Variants in ADAMTSL1 observed in about 807,000 individuals in gnomAD.
ADAMTSL1 encodes ADAMTS-like protein 1.
Under a neutral mutation model 201.8 loss-of-function variants are expected in ADAMTSL1, and 126 were observed. That is an observed-to-expected ratio of 0.62 (90% CI 0.54 to 0.72). ADAMTSL1 has a LOEUF of 0.72. Among genes scored for constraint, ADAMTSL1 ranks in the 30% least tolerant of loss-of-function variants. ADAMTSL1 has a pLI of 0.00. For synonymous variants in ADAMTSL1, 1,121 were observed against 903.4 expected, an observed-to-expected ratio of 1.24 and a Z score of -4.32; for missense variants, 2,679 against 2,277.8, an observed-to-expected ratio of 1.18 and a Z score of -3.59.
At chr9:18,516,861 G>T (rs1267223376) in intron 2 of ADAMTSL1, among the ~76,000 whole-genome samples, 1 of 152,166 alleles carries the variant, frequency 6.6e-6, no homozygotes, top group Non-Finnish European at 1.5e-5. Context: ...AGGAAGAGGA[G>T]CAAAAACTGC....
chr9:18,068,663 C>T (rs1822818146), intron 1 of ADAMTSL1, among the ~76,000 whole-genome samples: 1 of 152,166 alleles, frequency 6.6e-6, no homozygotes, highest in South Asian at 2.1e-4. Context: ...ATGTGTCCCC[C>T]TGGATGCTTC....
chr9:18,705,298 A>G (rs1474599587), intron 13 of ADAMTSL1, among the ~76,000 whole-genome samples: 1 of 152,242 alleles, frequency 6.6e-6, no homozygotes, highest in African/African-American at 2.4e-5. Flanking sequence ...AGGATCATGG[A>G]AAAATGAAAA....
chr9:18,767,720 TAAAG>T (rs750063693), intron 16 of ADAMTSL1, among the ~76,000 whole-genome samples: 7 of 152,194 alleles, frequency 4.6e-5, no homozygotes, highest in Non-Finnish European at 7.4e-5. Context: ...CAAAATTAGT[TAAAG>T]AAGTGAAATC....
At chr9:18,333,697 A>G (rs565283219) in intron 2 of ADAMTSL1, among the ~76,000 whole-genome samples, 38 of 152,292 alleles carry the variant, frequency 2.5e-4, no homozygotes, top group South Asian at 6.2e-4. Flanking sequence ...TCCCCAAGGA[A>G]TTTCCATTAT....
chr9:18,735,748 C>CTTTTT (rs71333066), intron 15 of ADAMTSL1, among the ~76,000 whole-genome samples: 7 of 106,672 alleles, frequency 6.6e-5, no homozygotes, highest in South Asian at 3.1e-4. Context: ...ATTCTTTTTT[C>CTTTTT]TTTTTTTTTT....
chr9:18,343,410 C>T (rs1229252191), intron 2 of ADAMTSL1, among the ~76,000 whole-genome samples: 2 of 152,032 alleles, frequency 1.3e-5, no homozygotes, highest in African/African-American at 2.4e-5. Context: ...ATCTGGACCC[C>T]ACCAGTGATC....
intron 3 of ADAMTSL1, among the ~76,000 whole-genome samples, chr9:18,554,486 G>A (rs1820988058): frequency 6.6e-6 from 1 of 151,716 alleles, no homozygotes; most frequent in Admixed American, 6.6e-5. Context: ...GGCATAGGGT[G>A]ACCCAATGCG....
intron 2 of ADAMTSL1, among the ~76,000 whole-genome samples, chr9:18,168,210 C>T (rs969666840): frequency 2.0e-5 from 3 of 151,842 alleles, no homozygotes; most frequent in African/African-American, 7.3e-5. Context: ...GTGTGCTGCA[C>T]CCATTAACTC....
intron 19 of ADAMTSL1, among the ~76,000 whole-genome samples, chr9:18,790,590 C>T (rs1821970525): frequency 6.6e-6 from 1 of 152,042 alleles, no homozygotes; most frequent in Non-Finnish European, 1.5e-5. Context: ...GTAGAAATGG[C>T]CTGTGAGCAT....
chr9:18,741,485 T>C (rs535573834), intron 15 of ADAMTSL1, among the ~76,000 whole-genome samples: 5 of 152,336 alleles, frequency 3.3e-5, no homozygotes, highest in African/African-American at 1.2e-4. Context: ...AACTCATGAA[T>C]ATAAATGTCC....
intron 1 of ADAMTSL1, among the ~76,000 whole-genome samples, chr9:17,908,574 A>G (rs1176869357): frequency 6.6e-6 from 1 of 151,898 alleles, no homozygotes; most frequent in Non-Finnish European, 1.5e-5. Context: ...CTCCTGCCTC[A>G]GCCTCCCAAG....
chr9:18,293,887 T>C (rs952815370), intron 2 of ADAMTSL1, among the ~76,000 whole-genome samples: 2 of 152,092 alleles, frequency 1.3e-5, no homozygotes, highest in African/African-American at 4.8e-5. Flanking sequence ...AGGCCAAAAA[T>C]GGGTTGGAGA....
intron 1 of ADAMTSL1, among the ~76,000 whole-genome samples, chr9:18,485,713 G>T (rs1278154848): frequency 6.6e-6 from 1 of 152,148 alleles, no homozygotes; most frequent in African/African-American, 2.4e-5. Context: ...GAAAGGGAAG[G>T]TAAGTTCAAG....
intron 4 of ADAMTSL1, among the ~76,000 whole-genome samples, chr9:18,603,790 A>G (rs995859736): frequency 7.9e-5 from 12 of 152,168 alleles, no homozygotes; most frequent in African/African-American, 2.9e-4. Context: ...TTGTTGTGCC[A>G]TCTCCAGGAC....
chr9:18,734,951 T>C (rs1227318893), intron 15 of ADAMTSL1, among the ~76,000 whole-genome samples: 1 of 152,226 alleles, frequency 6.6e-6, no homozygotes, highest in Admixed American at 6.5e-5. Flanking sequence ...ACCAGGAAGC[T>C]GATAGATTTT....
In ADAMTSL1 at chr9:18,416,850, A is replaced by G. The variant is rs562759126; in HGVS notation, c.208-87979A>G. On this transcript the variant is annotated intron_variant, in intron 2 of 29. Transcript: ENST00000680146. ...CAGAGATGTAAATACTCCTCCCTCA[A>G]TAATTGAGAGAACAAATAGAAAATC... Among the ~76,000 whole-genome samples, 27 of 152,160 alleles carry G rather than the reference A, an allele frequency of 1.8e-4. 1 individual carries two copies. Among genetic ancestry groups the G allele is most frequent in the East Asian group, 3.9e-4 (2 of 5,184 alleles).
chr9:18,901,064 AG>A (rs1484157855), intron 26 of ADAMTSL1, among the ~76,000 whole-genome samples: 1 of 152,096 alleles, frequency 6.6e-6, no homozygotes, highest in Non-Finnish European at 1.5e-5. Context: ...AAGCTTCCTG[AG>A]GCCTCACCAC....
At chr9:18,126,570 A>G (rs967978285) in intron 1 of ADAMTSL1, among the ~76,000 whole-genome samples, 3 of 152,194 alleles carry the variant, frequency 2.0e-5, no homozygotes, top group Non-Finnish European at 4.4e-5. Context: ...GTAGGCTTGC[A>G]ATAGCCACTT....
intron 3 of ADAMTSL1, among the ~76,000 whole-genome samples, chr9:18,533,691 A>G (rs113349601): frequency 1.4e-4 from 21 of 152,350 alleles, no homozygotes; most frequent in African/African-American, 5.0e-4. Context: ...TTCAGTGCCA[A>G]CTATGTGTGA....
Sources: allele counts gnomAD v4.1 joint callset (sites outside exome capture counted in the v4.1 genomes callset), GRCh38; gene constraint gnomAD v4.1.1; transcripts MANE v1.5; gene names NCBI Gene and HGNC (gene_info 2026-07-23, HGNC 2026-07-21).